The following CLIP1 variants were observed in gnomAD, a reference collection of about 807,000 sequenced individuals.
CLIP1 encodes CAP-Gly domain-containing linker protein 1.
Under a neutral mutation model 161.6 loss-of-function variants are expected in CLIP1, and 66 were observed. The ratio of observed to expected loss-of-function variants is 0.41; its 90% CI spans 0.33 to 0.50. CLIP1 has a LOEUF of 0.50. Among genes scored for constraint, CLIP1 ranks in the 20% least tolerant of loss-of-function variants. CLIP1 has a pLI of 0.27. For missense variants in CLIP1, 1,376 were observed against 1,702.0 expected (o/e 0.81, Z 3.37); for synonymous variants, 598 against 626.2 (o/e 0.96, Z 0.67).
chr12:122,325,464 A>G (rs1364081704), intron 17 of CLIP1, among the ~76,000 whole-genome samples: 2 of 151,860 alleles, frequency 1.3e-5, no homozygotes, highest in African/African-American at 4.8e-5. Context: ...TTAAAATGTA[A>G]CAAATTTAAA....
rs1385808325 is a variant in CLIP1 at position 122,377,500 on chromosome 12, C to T, written c.546G>A (p.Thr182=). 7 of 1,613,990 alleles carry T rather than the reference C, an allele frequency of 4.3e-6. No homozygotes were observed. Among genetic ancestry groups the T allele is most frequent in the East Asian group, 2.2e-5 (1 of 44,870 alleles). Residue 182 remains threonine (T), a synonymous_variant, in exon 3 of 26, where the codon ACG becomes ACA. Transcript: ENST00000620786. ...TTTTTGTAAGGTTGCTGATCGGAGG[C>T]GTAGCTGAAGGTTCCTTTGCTGCTG... is the stretch of plus-strand genomic sequence containing the variant. ...SQPAAKEPSA[T]PPISNLTKTA... is the part of the protein sequence containing the mutation.
intron 3 of CLIP1, among the ~76,000 whole-genome samples, chr12:122,371,352 C>T (rs1954439162): frequency 6.6e-6 from 1 of 152,112 alleles, no homozygotes; most frequent in Admixed American, 6.6e-5. Context: ...GTTCTCAAGT[C>T]TAGACAGACA....
intron 1 of CLIP1, among the ~76,000 whole-genome samples, chr12:122,402,684 G>A (rs1215664798): frequency 6.6e-6 from 1 of 151,942 alleles, no homozygotes; most frequent in African/African-American, 2.4e-5. Flanking sequence ...GCTGAGGCAG[G>A]AGAATTGCTT....
chr12:122,404,394 C>T (rs781117620), intron 1 of CLIP1, among the ~76,000 whole-genome samples: 3 of 150,838 alleles, frequency 2.0e-5, no homozygotes, highest in Admixed American at 6.6e-5. Context: ...GCTAGGAGTT[C>T]GAGACCTTCG....
chr12:122,314,102 C>T (rs967330090), intron 19 of CLIP1, among the ~76,000 whole-genome samples: 5 of 151,912 alleles, frequency 3.3e-5, no homozygotes, highest in African/African-American at 9.7e-5. Context: ...TACAGCCTGG[C>T]GAATATGGTG....
At chr12:122,288,333 G>A (rs951254215) in intron 21 of CLIP1, among the ~76,000 whole-genome samples, 156 bp downstream of exon 21, 10 of 152,096 alleles carry the variant, frequency 6.6e-5, no homozygotes, top group African/African-American at 2.4e-4. Flanking sequence ...CCTGCAAATG[G>A]ATTTTCATAT....
At position 122,355,569 on chromosome 12, in the gene CLIP1, G is replaced by T; in HGVS notation, c.1006-257C>A. The T allele has an allele frequency of 2.4e-6, 1 of 416,444 alleles. No individual in the cohort carries two copies. The highest frequency in any genetic ancestry group is 4.4e-6 in the Non-Finnish European group (1 of 228,216). 25.8% of individuals were successfully genotyped at this position (416,444 alleles called of 1,614,324 possible). A position where few individuals can be genotyped will look rare whatever the true frequency, so the allele number is the denominator to read the frequency against. On this transcript the variant is annotated intron_variant, in intron 5 of 25. Transcript: ENST00000620786. The surrounding 1 kb of genome is among the most constrained non-coding windows in gnomAD (Gnocchi z 4.1). ...CATGCCTGTAATCCTAGCACTTCAG[G>T]AGGCCAAGGCGGGTGGATCACTTGA...
intron 1 of CLIP1, among the ~76,000 whole-genome samples, chr12:122,388,592 A>G (rs73222225): frequency 0.022 from 3,400 of 152,204 alleles, 62 homozygotes; most frequent in Middle Eastern, 0.041. Context: ...TTTCAGAGAC[A>G]AGGTCTTGTT....
intron 15 of CLIP1, among the ~76,000 whole-genome samples, chr12:122,331,168 C>T (rs1951947262): frequency 6.6e-6 from 1 of 152,000 alleles, no homozygotes; most frequent in South Asian, 2.1e-4. Flanking sequence ...GAATGCGCCA[C>T]CATACCCGGC....
chr12:122,330,991 G>A (rs1000006307), intron 15 of CLIP1, among the ~76,000 whole-genome samples: 9 of 151,520 alleles, frequency 5.9e-5, no homozygotes, highest in Admixed American at 2.0e-4. Flanking sequence ...CCTCAGTTTC[G>A]CTCCCTCCCT....
intron 1 of CLIP1, among the ~76,000 whole-genome samples, chr12:122,381,471 G>A (rs1320059743): frequency 6.6e-6 from 1 of 152,134 alleles, no homozygotes; most frequent in Non-Finnish European, 1.5e-5. Flanking sequence ...TTGGACTAAG[G>A]TAAAATAGTA....
At chr12:122,327,602 G>GC (rs1427414257) in intron 17 of CLIP1, among the ~76,000 whole-genome samples, 1 of 151,896 alleles carries the variant, frequency 6.6e-6, no homozygotes, top group Non-Finnish European at 1.5e-5. Context: ...GTGCAAGGCA[G>GC]CAACAAGCAC....
Position 122,316,777 on chromosome 12 carries a change from G to T in CLIP1, c.3445C>A (p.Gln1149Lys), listed in dbSNP as rs1378200458. 7 of 1,569,852 alleles carry T rather than the reference G, an allele frequency of 4.5e-6. No homozygotes were observed. The highest frequency in any genetic ancestry group is 3.9e-5 in the Admixed American group (2 of 51,120). ...KSKELLTVEN[Q>K]KMEEFRKEIE... ...TCTTTCCTAAATTCTTCCATTTTTTGATTCTCTACAGTCAGGAGTTCTTTT... is the reference window on the plus strand; with the variant it reads ...TCTTTCCTAAATTCTTCCATTTTTTTATTCTCTACAGTCAGGAGTTCTTTT... The change falls in exon 19 of 26, where the codon CAA (glutamine) becomes AAA (lysine). Residue 1149 changes from glutamine to lysine, a missense_variant. Gln to Lys is a moderately conservative substitution (Grantham distance 53, BLOSUM62 1). This residue lies in a region of CLIP1 where 948 missense variants were observed against 1,134.8 expected (regional missense o/e 0.84). Coordinates refer to ENST00000620786, the MANE Select transcript of CLIP1 (RefSeq NM_001247997.2).
At chr12:122,294,094 C>A (rs534264064) in intron 20 of CLIP1, among the ~76,000 whole-genome samples, 2 of 151,454 alleles carry the variant, frequency 1.3e-5, no homozygotes, top group African/African-American at 4.9e-5. Flanking sequence ...TTTGGGAGGC[C>A]GAGGCGGGCG....
intron 1 of CLIP1, among the ~76,000 whole-genome samples, chr12:122,408,812 A>AT (rs57235489): frequency 6.7e-6 from 1 of 149,902 alleles, no homozygotes; most frequent in Non-Finnish European, 1.5e-5. Context: ...GCACCTTGAT[A>AT]TTTTTTTTAT....
intron 1 of CLIP1, among the ~76,000 whole-genome samples, chr12:122,414,013 A>T (rs1187812067): frequency 1.3e-5 from 2 of 152,222 alleles, no homozygotes; most frequent in Non-Finnish European, 1.5e-5. Context: ...CAACAAAAAA[A>T]GTCTCCCTCT....
intron 1 of CLIP1, among the ~76,000 whole-genome samples, chr12:122,418,582 A>C (rs1200989523): frequency 6.6e-6 from 1 of 152,066 alleles, no homozygotes; most frequent in Non-Finnish European, 1.5e-5. Flanking sequence ...GCAAGACCTC[A>C]TCTCTACAGG....
At chr12:122,284,603 C>T (rs940615826) in intron 21 of CLIP1, among the ~76,000 whole-genome samples, 19 of 152,230 alleles carry the variant, frequency 1.2e-4, no homozygotes, top group African/African-American at 4.1e-4. Context: ...CCACCTGCCT[C>T]GGCCTCCCAA....
chr12:122,411,524 T>C (rs1289409440), intron 1 of CLIP1, among the ~76,000 whole-genome samples: 1 of 152,014 alleles, frequency 6.6e-6, no homozygotes, highest in Non-Finnish European at 1.5e-5. Context: ...AGACACAATG[T>C]GGTATTGGGG....
Sources: allele counts gnomAD v4.1 joint callset (sites outside exome capture counted in the v4.1 genomes callset), GRCh38; gene constraint gnomAD v4.1.1; regional missense constraint gnomAD v4.1.1; non-coding constraint Gnocchi (gnomAD v3.1); transcripts MANE v1.5; gene names NCBI Gene and HGNC (gene_info 2026-07-23, HGNC 2026-07-21).